The following MEF2C variants were observed in gnomAD, a reference collection of about 807,000 sequenced individuals.
The protein encoded by MEF2C is myocyte enhancer factor 2C.
MEF2C carries 6 observed loss-of-function variants against 50.5 expected under a neutral mutation model. That is an observed-to-expected ratio of 0.12 (90% CI 0.07 to 0.23). The LOEUF (loss-of-function observed/expected upper bound fraction) is 0.23. Ranked by LOEUF, MEF2C falls within the 10% of genes least tolerant of loss-of-function variation. The probability of loss-of-function intolerance (pLI) is 1.00; values close to 1 mark genes in which losing one functional copy is unlikely to be tolerated. For synonymous variants in MEF2C, 183 were observed against 228.0 expected, an observed-to-expected ratio of 0.80 and a Z score of 1.78; for missense variants, 276 against 605.0, an observed-to-expected ratio of 0.46 and a Z score of 5.70.
Position 88,823,927 on chromosome 5 carries a change from C to A in MEF2C, c.-139G>T. On this transcript the variant is annotated 5_prime_UTR_variant, in exon 2 of 11. Transcript: ENST00000504921. ...CAGTTCCCAAATTCCTGCATTCGTT[C>A]CTGCTGAACAAAAAAGAAAAATTAA... The A allele has an allele frequency of 6.9e-7, 1 of 1,445,674 alleles. No individual in the cohort carries two copies. The highest frequency in any genetic ancestry group is 9.1e-7 in the Non-Finnish European group (1 of 1,097,190). 89.6% of individuals were successfully genotyped at this position (1,445,674 alleles called of 1,614,324 possible).
chr5:88,821,879 T>C (rs1370603569), intron 2 of MEF2C, among the ~76,000 whole-genome samples: 1 of 151,836 alleles, frequency 6.6e-6, no homozygotes, highest in Non-Finnish European at 1.5e-5. Flanking sequence ...TTAACAAGAA[T>C]TTATCATATA....
chr5:88,762,217 A>C (rs1162631984), intron 3 of MEF2C, among the ~76,000 whole-genome samples: 6 of 152,230 alleles, frequency 3.9e-5, no homozygotes, highest in Non-Finnish European at 7.3e-5. Flanking sequence ...GCTGTCACAG[A>C]AGAATAAATA....
At chr5:88,829,698 A>G (rs779758681) in intron 1 of MEF2C, among the ~76,000 whole-genome samples, 3 of 152,076 alleles carry the variant, frequency 2.0e-5, no homozygotes, top group Non-Finnish European at 4.4e-5. Context: ...TGGAATTAGA[A>G]TAATTGATAC....
At chr5:88,813,774 A>G (rs2280050) in intron 2 of MEF2C, among the ~76,000 whole-genome samples, 1 of 151,930 alleles carries the variant, frequency 6.6e-6, no homozygotes, top group South Asian at 2.1e-4. Context: ...TTTTATTTTC[A>G]CCATTCTTTA....
chr5:88,816,032 G>T (rs1309394615), intron 2 of MEF2C, among the ~76,000 whole-genome samples: 1 of 151,908 alleles, frequency 6.6e-6, no homozygotes, highest in Non-Finnish European at 1.5e-5. Context: ...AAAAGCATCA[G>T]ATTCTTTTTA....
chr5:88,828,425 C>A (rs1811798340), intron 1 of MEF2C, among the ~76,000 whole-genome samples: 1 of 151,908 alleles, frequency 6.6e-6, no homozygotes, highest in Admixed American at 6.6e-5. Context: ...TTCATATTAG[C>A]AGATCTTTTT....
intron 4 of MEF2C, among the ~76,000 whole-genome samples, chr5:88,755,692 T>G (rs1046741269): frequency 6.6e-6 from 1 of 152,228 alleles, no homozygotes; most frequent in Non-Finnish European, 1.5e-5. Context: ...AATTCACTGT[T>G]ACTACTTATA....
At chr5:88,782,408 G>T (rs1788548270) in intron 3 of MEF2C, among the ~76,000 whole-genome samples, 1 of 151,458 alleles carries the variant, frequency 6.6e-6, no homozygotes, top group Admixed American at 6.6e-5. Flanking sequence ...GGAGGTTGCA[G>T]TAAGCCAAGG....
chr5:88,873,563 A>G (rs1487217907), intron 1 of MEF2C, among the ~76,000 whole-genome samples: 1 of 151,974 alleles, frequency 6.6e-6, no homozygotes, highest in Non-Finnish European at 1.5e-5. Context: ...AAAAAATCAC[A>G]TAACGCTCAC....
At chr5:88,796,307 C>T (rs1042003010) in intron 3 of MEF2C, among the ~76,000 whole-genome samples, 2 of 152,170 alleles carry the variant, frequency 1.3e-5, no homozygotes, top group Admixed American at 6.5e-5. Flanking sequence ...ATTACTGCCT[C>T]AATTTCAGCA....
Position 88,755,897 on chromosome 5 carries a change from A to G in MEF2C, c.403-3854T>C, listed in dbSNP as rs566577308. Among the ~76,000 whole-genome samples, 47 of 152,356 alleles carry G rather than the reference A, an allele frequency of 3.1e-4. No homozygotes were observed. In the South Asian group the frequency reaches 3.5e-3, roughly 11 times the overall value. On this transcript the variant is annotated intron_variant, in intron 4 of 10. Coordinates refer to ENST00000504921, the MANE Select transcript of MEF2C (RefSeq NM_002397.5). ...TGAGTTCAGAACCATCCAAACAAGCAGGTCAGTGAAAGTCATTCTACTCCT... is the reference window on the plus strand; with the variant it reads ...TGAGTTCAGAACCATCCAAACAAGCGGGTCAGTGAAAGTCATTCTACTCCT...
intron 4 of MEF2C, among the ~76,000 whole-genome samples, chr5:88,754,701 G>C (rs1774455980): frequency 6.6e-6 from 1 of 152,260 alleles, no homozygotes; most frequent in African/African-American, 2.4e-5. Context: ...ACCTGCTCCG[G>C]TCCTTGCCAT....
At chr5:88,828,312 A>G (rs182880296) in intron 1 of MEF2C, among the ~76,000 whole-genome samples, 296 of 152,158 alleles carry the variant, frequency 1.9e-3, no homozygotes, top group Non-Finnish European at 2.7e-3. Flanking sequence ...TTTTTCTGCA[A>G]TAAGTACAAT....
chr5:88,741,181 A>G (rs1766588696), intron 6 of MEF2C: 2 of 985,274 alleles, frequency 2.0e-6, no homozygotes, highest in Admixed American at 1.2e-4. Context: ...TGCTCCCTTC[A>G]CCACACATTT....
chr5:88,889,838 G>A (rs1834342718), intron 1 of MEF2C, among the ~76,000 whole-genome samples: 1 of 152,094 alleles, frequency 6.6e-6, no homozygotes, highest in South Asian at 2.1e-4. Context: ...AAAAGAGCTC[G>A]GGATGGGCTC....
chr5:88,826,642 C>T (rs920033089), intron 1 of MEF2C, among the ~76,000 whole-genome samples: 4 of 151,872 alleles, frequency 2.6e-5, no homozygotes, highest in Non-Finnish European at 5.9e-5. Flanking sequence ...AGGTCAGTTT[C>T]AAGTATCAAT....
chr5:88,865,747 G>A (rs1827082637), intron 1 of MEF2C, among the ~76,000 whole-genome samples: 1 of 152,136 alleles, frequency 6.6e-6, no homozygotes, highest in South Asian at 2.1e-4. Flanking sequence ...AACACTGAGT[G>A]TTACCAATGG....
At chr5:88,868,359 C>T (rs964127252) in intron 1 of MEF2C, among the ~76,000 whole-genome samples, 3 of 152,088 alleles carry the variant, frequency 2.0e-5, no homozygotes, top group Admixed American at 2.0e-4. Flanking sequence ...TGCTAAGAGG[C>T]GTAAGCTTTT....
chr5:88,867,535 C>T (rs751832946), intron 1 of MEF2C, among the ~76,000 whole-genome samples: 6 of 152,000 alleles, frequency 3.9e-5, no homozygotes, highest in Non-Finnish European at 7.4e-5. Context: ...AAACTTCAGG[C>T]CTATAGAATA....
Sources: gnomAD v4.1 joint callset for allele counts (sites outside exome capture counted in the v4.1 genomes callset) on GRCh38, gnomAD v4.1.1 for gene constraint, MANE v1.5 for transcripts, NCBI Gene and HGNC (gene_info 2026-07-23, HGNC 2026-07-21) for gene names.